The following UBR7 variants were observed in gnomAD, a reference collection of about 807,000 sequenced individuals.
UBR7 encodes the protein putative E3 ubiquitin-protein ligase UBR7.
In UBR7, 22 loss-of-function variants were observed where a neutral mutation model predicts 57.0. The observed-to-expected ratio is 0.39, with a 90% CI of 0.28 to 0.55. The LOEUF (loss-of-function observed/expected upper bound fraction) is 0.55. Among genes scored for constraint, UBR7 ranks in the 20% least tolerant of loss-of-function variants. UBR7 has a pLI of 0.69. For synonymous variants in UBR7, 167 were observed against 179.8 expected (o/e 0.93, Z 0.57); for missense variants, 395 against 513.2 (o/e 0.77, Z 2.23).
intron 1 of UBR7, among the ~76,000 whole-genome samples, chr14:93,208,588 C>T (rs569477085): frequency 8.0e-5 from 12 of 149,698 alleles, no homozygotes; most frequent in Admixed American, 4.6e-4. Flanking sequence ...GAAATTTGCA[C>T]AAATCATGTA....
rs1894884741 is a variant in UBR7, at chr14:93,227,509, C to T, written c.*474C>T. On this transcript the variant is annotated 3_prime_UTR_variant, in exon 11 of 11. Transcript: ENST00000013070. ...TCGTGGTGCCTTGGGTCAAAGCTTC[C>T]TCAAGCCTGGTCTGCTCCTTCTTTC... 1.4e-6 allele frequency: 1 copy of T among 697,240 alleles called. No individual in the cohort carries two copies. Among genetic ancestry groups the T allele is most frequent in the African/African-American group, 1.8e-5 (1 of 57,098 alleles). 43.2% of individuals were successfully genotyped at this position (697,240 alleles called of 1,614,324 possible).
Position 93,207,304 on chromosome 14 carries a change from G to T in UBR7, c.13G>T (p.Glu5Ter). 1 of 1,556,262 alleles carries T rather than the reference G, an allele frequency of 6.4e-7. No individual in the cohort carries two copies. Among genetic ancestry groups the T allele is most frequent in the East Asian group, 2.4e-5 (1 of 41,450 alleles). The part of the protein sequence containing the change: MAGA[E>*]GAAGRQSELE... ...CTGACAGTTGAGGATGGCCGGAGCCGAGGGCGCCGCTGGGCGGCAGTCGGA... is the reference window on the plus strand; with the variant it reads ...CTGACAGTTGAGGATGGCCGGAGCCTAGGGCGCCGCTGGGCGGCAGTCGGA... Residue 5 changes from glutamate (E) to a stop codon, truncating the protein, a stop_gained, in exon 1 of 11, where the codon GAG (glutamate) becomes TAG (stop). Transcript: ENST00000013070. LOFTEE classifies it high-confidence loss of function.
In UBR7 at chr14:93,228,714, A is replaced by C. The variant is rs998156393; in HGVS notation, c.*1679A>C. ...GTTTATCAAGCTGGGGAACTCTTCC[A>C]AGTCTGACAATGTTTCGAACCCTTT... On this transcript the variant is annotated 3_prime_UTR_variant, in exon 11 of 11. Coordinates refer to ENST00000013070, the MANE Select transcript of UBR7 (RefSeq NM_175748.4). 1 of 453,996 alleles carries C rather than the reference A, an allele frequency of 2.2e-6. No homozygotes were observed. Among genetic ancestry groups the C allele is most frequent in the Non-Finnish European group, 4.4e-6 (1 of 226,798 alleles). 28.1% of individuals were successfully genotyped at this position (453,996 alleles called of 1,614,324 possible). A position where few individuals can be genotyped will look rare whatever the true frequency, so the allele number is the denominator to read the frequency against.
At chr14:93,216,058 G>A (rs1306568234) in intron 6 of UBR7, among the ~76,000 whole-genome samples, 1 of 152,106 alleles carries the variant, frequency 6.6e-6, no homozygotes, top group African/African-American at 2.4e-5. Flanking sequence ...TTGGTTGAGG[G>A]CCCATTCCTC....
chr14:93,224,193 T>G, intron 10 of UBR7: 6 of 559,032 alleles, frequency 1.1e-5, no homozygotes, highest in Non-Finnish European at 6.4e-6. Context: ...GTTTTTTTCT[T>G]TGTCATAGAT....
At position 93,226,949 on chromosome 14, in the gene UBR7, AAG is replaced by A; in HGVS notation, c.1199_1200del (p.Glu400GlyfsTer7). ...KRFADEGTVV[K>X]REDIQQFFEE... ...CTTTGCTTTTCAAAAACAGGTTGTT[AAG>A]AGAGAGGACATTCAGCAGTTCTTTG... On this transcript the variant is annotated frameshift_variant, in exon 11 of 11. Coordinates refer to ENST00000013070, the MANE Select transcript of UBR7 (RefSeq NM_175748.4). LOFTEE classifies it high-confidence loss of function. 8 of 1,612,486 alleles carry A rather than the reference AAG, an allele frequency of 5.0e-6. No individual in the cohort carries two copies. The highest frequency in any genetic ancestry group is 6.8e-6 in the Non-Finnish European group (8 of 1,178,974).
In UBR7 at chr14:93,228,225, G is replaced by GC. The variant is rs1566826513; in HGVS notation, c.*1194dup. On this transcript the variant is annotated 3_prime_UTR_variant, in exon 11 of 11. Transcript: ENST00000013070. ...AGATCCTCATGGAAGGTTGTACAGA[G>GC]CCCCACATTTGAGGGGAAGTCCTTT... 1 of 489,934 alleles carries GC rather than the reference G, an allele frequency of 2.0e-6. No individual in the cohort carries two copies. The highest frequency in any genetic ancestry group is 1.5e-5 in the South Asian group (1 of 64,798). The allele number at this position is 489,934 out of a possible 1,614,324, so 30.3% of individuals were successfully genotyped here.
At chr14:93,223,821 C>T (rs1404234788) in intron 10 of UBR7, 12 of 746,348 alleles carry the variant, frequency 1.6e-5, no homozygotes. Context: ...CACTGGGTAA[C>T]AGCGCCCGCG....
At chr14:93,209,116 A>G (rs1250582377) in intron 1 of UBR7, among the ~76,000 whole-genome samples, 2 of 152,216 alleles carry the variant, frequency 1.3e-5, no homozygotes, top group South Asian at 2.1e-4. Context: ...CCCAGCCTAC[A>G]TATTCACTTT....
At chr14:93,213,305 C>CT (rs1052462776) in intron 4 of UBR7, among the ~76,000 whole-genome samples, 4 of 151,446 alleles carry the variant, frequency 2.6e-5, no homozygotes, top group Admixed American at 6.6e-5. Flanking sequence ...AGAATAGTAT[C>CT]TTTTTTTTCA....
At chr14:93,219,443 A>AT (rs1035555050) in intron 8 of UBR7, 82 bp downstream of exon 8, 116 of 1,553,274 alleles carry the variant, frequency 7.5e-5, no homozygotes, top group African/African-American at 5.9e-4. Context: ...AAAACATTCA[A>AT]TTTTTGTACC....
At position 93,215,182 on chromosome 14, in the gene UBR7, G is replaced by A; in HGVS notation, c.502G>A (p.Gly168Ser). ...CEDWFHGRHL[G>S]AIPPESGDFQ... ...TGGTGTTCTATATTCACAGCATCTT[G>A]GTGCCATTCCCCCTGAGAGTGGGGA... is the stretch of plus-strand genomic sequence containing the variant. Residue 168 changes from glycine (G) to serine (S), a missense_variant, in exon 6 of 11, where the codon GGT (glycine) becomes AGT (serine). Coordinates refer to ENST00000013070, the MANE Select transcript of UBR7 (RefSeq NM_175748.4). 6.3e-7 allele frequency: 1 copy of A among 1,575,502 alleles called. No individual in the cohort carries two copies. Among genetic ancestry groups the A allele is most frequent in the South Asian group, 1.2e-5 (1 of 86,104 alleles).
intron 9 of UBR7, among the ~76,000 whole-genome samples, chr14:93,222,054 T>C (rs1894719491): frequency 6.6e-6 from 1 of 151,900 alleles, no homozygotes; most frequent in African/African-American, 2.4e-5. Context: ...AAATTCTTAA[T>C]CTTTATGGGA....
rs751819478 is a variant in UBR7 at position 93,210,109 on chromosome 14, A to C, written c.284+152A>C. Reference sequence around the variant, plus strand: ...TATTTATTTATTTATTTTGAGACGGAGTCTTGCTCTGTCACCCAGGCTGGA... The same window carrying C: ...TATTTATTTATTTATTTTGAGACGGCGTCTTGCTCTGTCACCCAGGCTGGA... On this transcript the variant is annotated intron_variant, in intron 2 of 10. Transcript: ENST00000013070. 164 of 563,220 alleles carry C rather than the reference A, an allele frequency of 2.9e-4. 9 individuals carry two copies. The highest frequency in any genetic ancestry group is 4.0e-4 in the Admixed American group (10 of 25,308). 34.9% of individuals were successfully genotyped at this position (563,220 alleles called of 1,614,324 possible).
chr14:93,220,116 C>CAG (rs1566823283), intron 8 of UBR7, 133 bp from the exon 9 acceptor site: 2 of 854,888 alleles, frequency 2.3e-6, no homozygotes, highest in African/African-American at 3.4e-5. Context: ...GTTAAAGACG[C>CAG]TCCAGTTTTT....
chr14:93,222,507 G>A, intron 10 of UBR7, 133 bp downstream of exon 10: 1 of 717,900 alleles, frequency 1.4e-6, no homozygotes, highest in Non-Finnish European at 2.5e-6. Flanking sequence ...TACTTTGGGA[G>A]GCCAATGTGG....
intron 5 of UBR7, 31 bp from the exon 6 acceptor site, chr14:93,215,145 C>G: frequency 3.9e-6 from 6 of 1,547,114 alleles, no homozygotes; most frequent in South Asian, 3.6e-5. Flanking sequence ...TTGGCAATCA[C>G]AAGAAAATTT....
chr14:93,213,602 C>T (rs1174788620), intron 4 of UBR7, among the ~76,000 whole-genome samples: 1 of 152,128 alleles, frequency 6.6e-6, no homozygotes, highest in Admixed American at 6.6e-5. Flanking sequence ...CCACCGCGCC[C>T]AGCCAAAGAA....
At chr14:93,221,006 T>A (rs1333927543) in intron 9 of UBR7, among the ~76,000 whole-genome samples, 1 of 152,010 alleles carries the variant, frequency 6.6e-6, no homozygotes, top group Non-Finnish European at 1.5e-5. Flanking sequence ...AGTGCAATGG[T>A]GCATTCTCAG....
Sources: allele counts gnomAD v4.1 joint callset (sites outside exome capture counted in the v4.1 genomes callset), GRCh38; gene constraint gnomAD v4.1.1; transcripts MANE v1.5; gene names NCBI Gene and HGNC (gene_info 2026-07-23, HGNC 2026-07-21).